The following AGPAT3 variants were observed in gnomAD, a reference collection of about 807,000 sequenced individuals.
The protein encoded by AGPAT3 is 1-acylglycerol-3-phosphate O-acyltransferase 3, also known as 1-acyl-sn-glycerol-3-phosphate acyltransferase gamma.
Under a neutral mutation model 47.3 loss-of-function variants are expected in AGPAT3, and 5 were observed. The ratio of observed to expected loss-of-function variants is 0.11; its 90% CI spans 0.06 to 0.22. The LOEUF is 0.22. Among genes scored for constraint, AGPAT3 ranks in the 10% least tolerant of loss-of-function variants. AGPAT3 has a pLI of 1.00. For synonymous variants in AGPAT3, 212 were observed against 208.3 expected (o/e 1.02, Z -0.15); for missense variants, 315 against 493.0 (o/e 0.64, Z 3.42).
Position 43,930,285 on chromosome 21 carries a change from C to T in AGPAT3, c.-49+26266C>T, listed in dbSNP as rs531644334. The stretch of plus-strand genomic sequence containing the variant: ...GGGTAGGGGGCTCTGGTGCCAATAC[C>T]AATGCAGCCCGGTTCCCTGTCCTGG... On this transcript the variant is annotated intron_variant, in intron 2 of 9. Transcript: ENST00000291572. The surrounding 1 kb of genome is among the most constrained non-coding windows in gnomAD (Gnocchi z 5.0). 5.9e-5 allele frequency among the ~76,000 whole-genome samples: 9 copies of T among 152,222 alleles called. No homozygotes were observed. In the South Asian group the frequency reaches 1.9e-3, roughly 32 times the overall value.
At chr21:43,958,912 GTGTGTGTGGCA>G (rs1265067113) in intron 2 of AGPAT3, among the ~76,000 whole-genome samples, 3 of 141,394 alleles carry the variant, frequency 2.1e-5, no homozygotes, top group East Asian at 2.2e-4. Context: ...GTGGGGTGGT[GTGTGTGTGGCA>G]TGTGTGTGGC....
At chr21:43,973,211 G>A (rs1181253476) in intron 7 of AGPAT3, among the ~76,000 whole-genome samples, 1 of 152,266 alleles carries the variant, frequency 6.6e-6, no homozygotes, top group Non-Finnish European at 1.5e-5. Context: ...CACGAGCTGA[G>A]AGTTCTCTCC....
intron 2 of AGPAT3, among the ~76,000 whole-genome samples, chr21:43,923,725 C>T (rs1409991907): frequency 1.3e-5 from 2 of 152,220 alleles, no homozygotes; most frequent in African/African-American, 4.8e-5. Flanking sequence ...GATGGACAGC[C>T]AGGGGGAAAG....
intron 1 of AGPAT3, among the ~76,000 whole-genome samples, chr21:43,881,252 G>A (rs1336908231): frequency 2.0e-5 from 3 of 152,154 alleles, no homozygotes; most frequent in African/African-American, 7.2e-5. Flanking sequence ...ATTAAGAAAT[G>A]CTTTATATGA....
At chr21:43,921,016 G>A (rs1276053757) in intron 2 of AGPAT3, among the ~76,000 whole-genome samples, 1 of 152,178 alleles carries the variant, frequency 6.6e-6, no homozygotes, top group Non-Finnish European at 1.5e-5. Flanking sequence ...AGCAGGCTGA[G>A]GCAGGAGAAT....
chr21:43,949,260 A>G (rs1394922118), intron 2 of AGPAT3, among the ~76,000 whole-genome samples: 1 of 152,128 alleles, frequency 6.6e-6, no homozygotes, highest in Non-Finnish European at 1.5e-5. Context: ...AACAACCATC[A>G]TGTCGGGGGG....
chr21:43,897,960 G>A (rs2086266028), intron 1 of AGPAT3, among the ~76,000 whole-genome samples: 3 of 152,172 alleles, frequency 2.0e-5, no homozygotes, highest in Admixed American at 1.3e-4. Flanking sequence ...TCAACACGGC[G>A]TCTCCACCAA....
Position 43,908,429 on chromosome 21 carries a change from G to C in AGPAT3, c.-49+4410G>C, listed in dbSNP as rs895213783. ...CCGATCAGGGGGAGCACATGGGCTG[G>C]GAACTTGTGGAACCCGGTGTGTATG... is the stretch of plus-strand genomic sequence containing the variant. On this transcript the variant is annotated intron_variant, in intron 2 of 9. Transcript: ENST00000291572. This position sits in a 1 kb window ranked among gnomAD's most constrained non-coding sequence, Gnocchi z 4.9. Among the ~76,000 whole-genome samples the C allele has an allele frequency of 1.3e-5, 2 of 152,210 alleles. No individual in the cohort carries two copies. Among genetic ancestry groups the C allele is most frequent in the East Asian group, 3.9e-4 (2 of 5,192 alleles).
rs2086927466 is a variant in AGPAT3, at chr21:43,922,713, C to T, written c.-49+18694C>T. On this transcript the variant is annotated intron_variant, in intron 2 of 9. Coordinates refer to ENST00000291572, the MANE Select transcript of AGPAT3 (RefSeq NM_020132.5). The surrounding 1 kb of genome is among the most constrained non-coding windows in gnomAD (Gnocchi z 4.9). ...GTCTCCCAGCTCAGGGGCTGTGGCT[C>T]AGGAGCCATGTGCCAGGCAGGGCAC... Among the ~76,000 whole-genome samples the T allele has an allele frequency of 6.6e-6, 1 of 151,846 alleles. No individual in the cohort carries two copies. Among genetic ancestry groups the T allele is most frequent in the African/African-American group, 2.4e-5 (1 of 41,434 alleles).
chr21:43,890,584 TG>T (rs1478931645), intron 1 of AGPAT3, among the ~76,000 whole-genome samples: 1 of 151,914 alleles, frequency 6.6e-6, no homozygotes, highest in Non-Finnish European at 1.5e-5. Context: ...GGCTCATTTT[TG>T]CACTTTTTGT....
rs115272502 is a variant in AGPAT3, at chr21:43,890,413, G to T, written c.-111-13544G>T. On this transcript the variant is annotated intron_variant, in intron 1 of 9. Transcript: ENST00000291572. ...AACCTCTTTTCTTTATAAATTACCCGGTCTCAATTTTTTTTTTAAGACAGG... is the reference window on the plus strand; with the variant it reads ...AACCTCTTTTCTTTATAAATTACCCTGTCTCAATTTTTTTTTTAAGACAGG... Among the ~76,000 whole-genome samples, 369 of 152,070 alleles carry T rather than the reference G, an allele frequency of 2.4e-3. 2 individuals carry two copies. The highest frequency in any genetic ancestry group is 8.0e-3 in the African/African-American group (333 of 41,452).
chr21:43,975,924 T>C (rs1225393443), intron 7 of AGPAT3, among the ~76,000 whole-genome samples: 1 of 151,674 alleles, frequency 6.6e-6, no homozygotes, highest in Non-Finnish European at 1.5e-5. Context: ...GAGCACCCGC[T>C]GTTAAGATGC....
intron 2 of AGPAT3, among the ~76,000 whole-genome samples, chr21:43,914,316 T>C (rs1312786427): frequency 6.6e-6 from 1 of 152,222 alleles, no homozygotes; most frequent in African/African-American, 2.4e-5. Context: ...TCAGTGTTGC[T>C]TCATTAAAGG....
At position 43,930,262 on chromosome 21, in the gene AGPAT3, G is replaced by T. The variant is rs1208407330; in HGVS notation, c.-49+26243G>T. Among the ~76,000 whole-genome samples the T allele has an allele frequency of 6.6e-6, 1 of 152,148 alleles. No individual in the cohort carries two copies. Among genetic ancestry groups the T allele is most frequent in the Non-Finnish European group, 1.5e-5 (1 of 67,998 alleles). On this transcript the variant is annotated intron_variant, in intron 2 of 9. Transcript: ENST00000291572. This position sits in a 1 kb window ranked among gnomAD's most constrained non-coding sequence, Gnocchi z 5.0. ...CAGGGCAGAGACGCCGCACGGTGGG[G>T]TAGGGGGCTCTGGTGCCAATACCAA...
chr21:43,968,586 T>A (rs1161037773), intron 4 of AGPAT3, among the ~76,000 whole-genome samples: 2 of 151,878 alleles, frequency 1.3e-5, no homozygotes, highest in Non-Finnish European at 2.9e-5. Flanking sequence ...AGTCCCTGGG[T>A]GTTCCTCCTG....
chr21:43,956,547 T>G (rs2088477011), intron 2 of AGPAT3, among the ~76,000 whole-genome samples: 1 of 152,234 alleles, frequency 6.6e-6, no homozygotes, highest in African/African-American at 2.4e-5. Context: ...TTTTCTGTCC[T>G]TTCTGTCTAG....
At chr21:43,898,975 C>A (rs1253364837) in intron 1 of AGPAT3, among the ~76,000 whole-genome samples, 1 of 152,210 alleles carries the variant, frequency 6.6e-6, no homozygotes, top group Non-Finnish European at 1.5e-5. Flanking sequence ...CTTGGCCTCC[C>A]AAAGTGTTTG....
intron 7 of AGPAT3, among the ~76,000 whole-genome samples, chr21:43,975,262 T>G (rs535907505): frequency 2.7e-5 from 4 of 148,730 alleles, no homozygotes; most frequent in African/African-American, 1.0e-4. Flanking sequence ...TGTGGTGTGT[T>G]CTGGTGTGTG....
intron 1 of AGPAT3, among the ~76,000 whole-genome samples, chr21:43,897,611 CA>C (rs2086254108): frequency 1.3e-5 from 2 of 150,836 alleles, no homozygotes; most frequent in African/African-American, 2.4e-5. Context: ...AGGGGCTCCT[CA>C]CCTCCCAGAG....
Sources: allele counts gnomAD v4.1 joint callset (sites outside exome capture counted in the v4.1 genomes callset), GRCh38; gene constraint gnomAD v4.1.1; non-coding constraint Gnocchi (gnomAD v3.1); transcripts MANE v1.5; gene names NCBI Gene and HGNC (gene_info 2026-07-23, HGNC 2026-07-21).